Variants in ATP10B observed in about 807,000 individuals in gnomAD.
The protein encoded by ATP10B is phospholipid-transporting ATPase VB.
ATP10B carries 122 observed loss-of-function variants against 141.2 expected under a neutral mutation model. The ratio of observed to expected loss-of-function variants is 0.86; its 90% confidence interval spans 0.75 to 1.00. The LOEUF (loss-of-function observed/expected upper bound fraction) is 1.00. Among genes scored for constraint, ATP10B ranks in the 50% least tolerant of loss-of-function variants. ATP10B has a pLI of 0.00. For synonymous variants in ATP10B, 685 were observed against 692.0 expected (o/e 0.99, Z 0.16); for missense variants, 1,876 against 1,825.3 (o/e 1.03, Z -0.51).
At chr5:160,697,812 G>A (rs1002184840) in intron 3 of ATP10B, among the ~76,000 whole-genome samples, 1 of 152,144 alleles carries the variant, frequency 6.6e-6, no homozygotes, top group Non-Finnish European at 1.5e-5. Flanking sequence ...CATAACTCAA[G>A]CATCTTCAGC....
chr5:160,792,158 TG>T (rs1771617765), intron 1 of ATP10B, among the ~76,000 whole-genome samples: 1 of 152,168 alleles, frequency 6.6e-6, no homozygotes, highest in Admixed American at 6.6e-5. Context: ...ATGTACCCCT[TG>T]TCACACTCCA....
chr5:160,858,325 C>T, the ATP10B span, among the ~76,000 whole-genome samples: 1 of 151,562 alleles, frequency 6.6e-6, no homozygotes, highest in Non-Finnish European at 1.5e-5. Context: ...ATATCTTTTT[C>T]CATCCTTTTA....
the ATP10B span, among the ~76,000 whole-genome samples, chr5:160,892,395 C>T: frequency 6.6e-6 from 1 of 152,236 alleles, no homozygotes; most frequent in Non-Finnish European, 1.5e-5. Context: ...CGTCCCCAGG[C>T]TTCTGTTTTC....
chr5:160,843,355 T>A (rs1018520636), intron 1 of ATP10B, among the ~76,000 whole-genome samples: 2 of 152,110 alleles, frequency 1.3e-5, no homozygotes, highest in South Asian at 4.2e-4. Flanking sequence ...TTAATTGCCT[T>A]ACCTACTGAG....
intron 2 of ATP10B, among the ~76,000 whole-genome samples, chr5:160,754,233 G>A (rs983902426): frequency 2.0e-5 from 3 of 152,082 alleles, no homozygotes; most frequent in African/African-American, 2.4e-5. Context: ...AAGAAACATC[G>A]TTGTCATCTT....
intron 1 of ATP10B, among the ~76,000 whole-genome samples, chr5:160,805,693 C>A (rs1030338889): frequency 6.6e-6 from 1 of 152,120 alleles, no homozygotes; most frequent in African/African-American, 2.4e-5. Context: ...TGGGCAGTGG[C>A]CCCTAGTGCC....
In ATP10B at chr5:160,766,493, T is replaced by C. The variant is rs558024299; in HGVS notation, c.-331+19066A>G. Among the ~76,000 whole-genome samples, 4 of 152,114 alleles carry C rather than the reference T, an allele frequency of 2.6e-5. No homozygotes were observed. The East Asian group carries it at 7.7e-4, about 29-fold the overall frequency. On this transcript the variant is annotated intron_variant, in intron 2 of 25. Transcript: ENST00000327245. ...TTATTCTAAGTAGGTAACTCGGTAATGGAAAATCAAATGTTGTATGTTCTC... is the reference window on the plus strand; with the variant it reads ...TTATTCTAAGTAGGTAACTCGGTAACGGAAAATCAAATGTTGTATGTTCTC...
At chr5:160,720,820 A>C (rs1282248963) in intron 2 of ATP10B, among the ~76,000 whole-genome samples, 1 of 152,198 alleles carries the variant, frequency 6.6e-6, no homozygotes, top group East Asian at 1.9e-4. Context: ...TCAGCACTGT[A>C]GCTTTGGTAG....
At chr5:160,784,376 T>TA (rs1158543572) in intron 2 of ATP10B, among the ~76,000 whole-genome samples, 1 of 152,216 alleles carries the variant, frequency 6.6e-6, no homozygotes, top group Non-Finnish European at 1.5e-5. Flanking sequence ...AATTCTTATC[T>TA]AAAAAACTAA....
upstream of ATP10B, among the ~76,000 whole-genome samples, chr5:160,854,240 A>T (rs13163837): frequency 5.3e-5 from 8 of 151,930 alleles, no homozygotes; most frequent in African/African-American, 9.7e-5. Context: ...TGCAGGTTAC[A>T]TAGGTATACA....
the ATP10B span, among the ~76,000 whole-genome samples, chr5:160,920,975 T>C: frequency 6.6e-6 from 1 of 152,296 alleles, no homozygotes; most frequent in African/African-American, 2.4e-5. Flanking sequence ...TTTAATAAAT[T>C]ATTATTAATC....
chr5:160,865,970 G>T, the ATP10B span, among the ~76,000 whole-genome samples: 5 of 152,262 alleles, frequency 3.3e-5, no homozygotes, highest in East Asian at 1.9e-4. Flanking sequence ...TGGTGGGAAC[G>T]TAAGCTAATA....
intron 3 of ATP10B, among the ~76,000 whole-genome samples, chr5:160,702,975 G>T (rs1430125685): frequency 2.0e-5 from 3 of 151,984 alleles, no homozygotes. Flanking sequence ...AAAATGACTT[G>T]ATATTTGCAT....
At chr5:160,657,343 C>A (rs1761582190) in intron 7 of ATP10B, among the ~76,000 whole-genome samples, 2 of 152,106 alleles carry the variant, frequency 1.3e-5, no homozygotes, top group Admixed American at 6.6e-5. Flanking sequence ...CATTTGATAA[C>A]CTTTCTGCTT....
intron 22 of ATP10B, among the ~76,000 whole-genome samples, chr5:160,594,933 C>T (rs562730268): frequency 2.0e-5 from 3 of 152,306 alleles, no homozygotes; most frequent in South Asian, 4.1e-4. Context: ...GACTCCCGCA[C>T]AATAATAGTG....
intron 24 of ATP10B, among the ~76,000 whole-genome samples, chr5:160,580,212 TGA>T (rs1194264197): frequency 6.6e-6 from 1 of 152,198 alleles, no homozygotes; most frequent in Non-Finnish European, 1.5e-5. Context: ...ATAGGAGTGG[TGA>T]GAGAGGGTGG....
intron 7 of ATP10B, among the ~76,000 whole-genome samples, chr5:160,661,826 G>A (rs1038796882): frequency 1.1e-4 from 16 of 152,196 alleles, no homozygotes; most frequent in Admixed American, 3.9e-4. Context: ...GGAAATAAAG[G>A]GCATACAATT....
chr5:160,779,806 A>G (rs1398857153), intron 2 of ATP10B, among the ~76,000 whole-genome samples: 1 of 152,178 alleles, frequency 6.6e-6, no homozygotes, highest in East Asian at 1.9e-4. Context: ...GTAGCTTGCA[A>G]GTACTTAACA....
intron 2 of ATP10B, among the ~76,000 whole-genome samples, chr5:160,762,288 G>C (rs1251905525): frequency 6.6e-6 from 1 of 152,098 alleles, no homozygotes; most frequent in Non-Finnish European, 1.5e-5. Flanking sequence ...TCAGGATGAA[G>C]GAAAGAATCT....
Sources: allele counts gnomAD v4.1 joint callset (sites outside exome capture counted in the v4.1 genomes callset), GRCh38; gene constraint gnomAD v4.1.1; transcripts MANE v1.5; gene names NCBI Gene and HGNC (gene_info 2026-07-23, HGNC 2026-07-21).